Variants in PCDHGA9 observed in about 807,000 individuals in gnomAD.
PCDHGA9 encodes protocadherin gamma-A9.
A neutral mutation model predicts 62.5 loss-of-function variants in PCDHGA9; 37 were observed. That is an observed-to-expected ratio of 0.59 (90% CI 0.46 to 0.78). The LOEUF (loss-of-function observed/expected upper bound fraction) is 0.78, where lower values mean the gene tolerates loss of function less well. Among genes scored for constraint, PCDHGA9 ranks in the 30% least tolerant of loss-of-function variants. PCDHGA9 has a pLI of 0.00. For synonymous variants in PCDHGA9, 459 were observed against 484.6 expected, an observed-to-expected ratio of 0.95 and a Z score of 0.69; for missense variants, 1,138 against 1,166.2, an observed-to-expected ratio of 0.98 and a Z score of 0.35.
chr5:141,405,677 C>T (rs1204978047), intron 1 of PCDHGA9, among the ~76,000 whole-genome samples: 3 of 152,088 alleles, frequency 2.0e-5, no homozygotes, highest in African/African-American at 7.2e-5. Context: ...GGGGTGTCAC[C>T]ATGTTGGCCA....
rs57426385 is a variant in PCDHGA9 at position 141,415,740 on chromosome 5, G to GTTTTT, written c.2424+10392_2424+10396dup. 865 of 624,308 alleles carry GTTTTT rather than the reference G, an allele frequency of 1.4e-3. 3 individuals carry two copies. Among genetic ancestry groups the GTTTTT allele is most frequent in the South Asian group, 2.2e-3 (75 of 34,868 alleles). The allele number at this position is 624,308 out of a possible 1,614,324, so 38.7% of individuals were successfully genotyped here. A position where few individuals can be genotyped will look rare whatever the true frequency, so the allele number is the denominator to read the frequency against. ...TGAGTAGAATTTGATGTTTATTAAG[G>GTTTTT]TTTTTTTTTTTTTTTTTTTTTTTTT... is the stretch of plus-strand genomic sequence containing the variant. On this transcript the variant is annotated intron_variant, in intron 1 of 3. Transcript: ENST00000573521.
chr5:141,498,940 A>G (rs527366029), intron 2 of PCDHGA9, among the ~76,000 whole-genome samples: 57 of 140,142 alleles, frequency 4.1e-4, no homozygotes, highest in Non-Finnish European at 7.3e-4. Flanking sequence ...CAGGAAAGAA[A>G]GAAAGAAAAA....
At chr5:141,450,982 A>G (rs746572732) in intron 1 of PCDHGA9, among the ~76,000 whole-genome samples, 18 of 151,360 alleles carry the variant, frequency 1.2e-4, no homozygotes, top group Non-Finnish European at 1.9e-4. Context: ...GTGCCACCAC[A>G]CCCGGCTAAT....
chr5:141,418,776 C>G (rs763308217), intron 1 of PCDHGA9: 1 of 1,613,806 alleles, frequency 6.2e-7, no homozygotes, highest in East Asian at 2.2e-5. Flanking sequence ...ACTCAGCAGC[C>G]TTTGGATTTT....
chr5:141,452,968 A>G (rs1028716079), intron 1 of PCDHGA9, among the ~76,000 whole-genome samples: 3 of 152,210 alleles, frequency 2.0e-5, no homozygotes, highest in Non-Finnish European at 4.4e-5. Flanking sequence ...AACTGAGGGT[A>G]TATTGTCAAA....
chr5:141,493,908 G>A lies in PCDHGA9; in HGVS notation c.2425-899G>A, dbSNP rs1308946115. ...CTAGGAGTGCTCCATGAGAGTGTGT[G>A]ATGGGATAACACACCCCCTGGAAAG... On this transcript the variant is annotated intron_variant, in intron 1 of 3. Transcript: ENST00000573521. This position sits in a 1 kb window ranked among gnomAD's most constrained non-coding sequence, Gnocchi z 4.3. Among the ~76,000 whole-genome samples the A allele has an allele frequency of 6.6e-6, 1 of 152,208 alleles. No homozygotes were observed. The highest frequency in any genetic ancestry group is 1.5e-5 in the Non-Finnish European group (1 of 68,032).
At position 141,494,781 on chromosome 5, in the gene PCDHGA9, C is replaced by A. The variant is rs145360252; in HGVS notation, c.2425-26C>A. On this transcript the variant is annotated intron_variant, in intron 1 of 3. Coordinates refer to ENST00000573521, the MANE Select transcript of PCDHGA9 (RefSeq NM_018921.3). ...ATTCTAACTTCTCACGGGTACTCAG[C>A]CCCTTTCCCTCTGTTTTCTCCACAG... 6,156 of 1,614,074 alleles carry A rather than the reference C, an allele frequency of 3.8e-3. 13 individuals are homozygous for A. Among genetic ancestry groups the A allele is most frequent in the Middle Eastern group, 8.1e-3 (49 of 6,062 alleles).
chr5:141,418,513 G>A (rs377653202), intron 1 of PCDHGA9: 1 of 1,613,960 alleles, frequency 6.2e-7, no homozygotes, highest in Non-Finnish European at 8.5e-7. Flanking sequence ...TAGATGGTGG[G>A]GACCCTCCCC....
At chr5:141,405,523 G>T (rs140184617) in intron 1 of PCDHGA9, 147 bp downstream of exon 1, 2 of 679,202 alleles carry the variant, frequency 2.9e-6, no homozygotes, top group African/African-American at 3.6e-5. Context: ...AAATTCAAGC[G>T]ATTCTCCTGC....
chr5:141,436,635 A>G (rs953396225), intron 1 of PCDHGA9, among the ~76,000 whole-genome samples: 8 of 152,184 alleles, frequency 5.3e-5, no homozygotes, highest in African/African-American at 1.9e-4. Context: ...ACAACATGCA[A>G]TTAATTAACA....
At chr5:141,452,472 A>C (rs995927368) in intron 1 of PCDHGA9, among the ~76,000 whole-genome samples, 6 of 152,170 alleles carry the variant, frequency 3.9e-5, no homozygotes, top group Non-Finnish European at 8.8e-5. Flanking sequence ...AGCTAGGAAA[A>C]ACACACATAA....
Position 141,490,850 on chromosome 5 carries a change from G to A in PCDHGA9, c.2425-3957G>A, listed in dbSNP as rs374508743. The A allele has an allele frequency of 7.2e-5, 116 of 1,613,706 alleles. No homozygotes were observed. The highest frequency in any genetic ancestry group is 9.5e-5 in the Non-Finnish European group (112 of 1,179,902). ...ATGCTGCAGATTGTGGTGGGGGTTC[G>A]AGACTCCGGCTCTCCCCCATTGCAT... On this transcript the variant is annotated intron_variant, in intron 1 of 3. Transcript: ENST00000573521. This position sits in a 1 kb window ranked among gnomAD's most constrained non-coding sequence, Gnocchi z 5.4.
chr5:141,498,146 G>A (rs924380243), intron 2 of PCDHGA9, among the ~76,000 whole-genome samples: 1 of 152,200 alleles, frequency 6.6e-6, no homozygotes, highest in Non-Finnish European at 1.5e-5. Context: ...GGACATCCTG[G>A]AAATGAAGTT....
rs369942815 is a variant in PCDHGA9, at chr5:141,485,334, T to A, written c.2425-9473T>A. 5.4e-5 allele frequency: 87 copies of A among 1,614,056 alleles called. No individual in the cohort carries two copies. Among genetic ancestry groups the A allele is most frequent in the Non-Finnish European group, 7.0e-5 (83 of 1,180,026 alleles). On this transcript the variant is annotated intron_variant, in intron 1 of 3. Coordinates refer to ENST00000573521, the MANE Select transcript of PCDHGA9 (RefSeq NM_018921.3). The surrounding 1 kb of genome is among the most constrained non-coding windows in gnomAD (Gnocchi z 5.7). Reference sequence around the variant, plus strand: ...GGGAATGTCGCTCAAGATTTCCTGCTGGATACGGACAGTCTGTCAGCTCGC... The same window carrying A: ...GGGAATGTCGCTCAAGATTTCCTGCAGGATACGGACAGTCTGTCAGCTCGC...
At chr5:141,500,012 A>G (rs2099795840) in intron 2 of PCDHGA9, among the ~76,000 whole-genome samples, 1 of 151,622 alleles carries the variant, frequency 6.6e-6, no homozygotes, top group Non-Finnish European at 1.5e-5. Flanking sequence ...TAAGGTCCAC[A>G]TTTTATATTT....
At chr5:141,508,756 C>A (rs890362975) in intron 3 of PCDHGA9, among the ~76,000 whole-genome samples, 2 of 151,904 alleles carry the variant, frequency 1.3e-5, no homozygotes, top group African/African-American at 4.8e-5. Flanking sequence ...CTTTCTCTGG[C>A]GCCTCTGAGG....
At chr5:141,411,425 A>AC (rs971774943) in intron 1 of PCDHGA9, 58 of 150,512 alleles carry the variant, frequency 3.9e-4, no homozygotes, top group African/African-American at 1.4e-3. Flanking sequence ...AACAACAACA[A>AC]AAAAAAACAT....
chr5:141,438,895 A>C (rs2098073582), intron 1 of PCDHGA9, among the ~76,000 whole-genome samples: 1 of 151,640 alleles, frequency 6.6e-6, no homozygotes, highest in Non-Finnish European at 1.5e-5. Flanking sequence ...TGAACTCCTG[A>C]CCTCAGGTGA....
Position 141,464,284 on chromosome 5 carries a change from A to C in PCDHGA9, c.2425-30523A>C, listed in dbSNP as rs1237360752. ...CGTCTAAAAAAAAAAAAAAGCAAAA[A>C]AAAAAACTCCATTGTATGTGCACAT... On this transcript the variant is annotated intron_variant, in intron 1 of 3. Coordinates refer to ENST00000573521, the MANE Select transcript of PCDHGA9 (RefSeq NM_018921.3). 4.0e-5 allele frequency among the ~76,000 whole-genome samples: 6 copies of C among 151,546 alleles called. No individual in the cohort carries two copies. The South Asian group carries it at 1.0e-3, about 26-fold the overall frequency.
Sources: gnomAD v4.1 joint callset for allele counts (sites outside exome capture counted in the v4.1 genomes callset) on GRCh38, gnomAD v4.1.1 for gene constraint, Gnocchi (gnomAD v3.1) non-coding constraint, MANE v1.5 for transcripts, NCBI Gene and HGNC (gene_info 2026-07-23, HGNC 2026-07-21) for gene names.